The following SLC22A8 variants were observed in gnomAD, a reference collection of about 807,000 sequenced individuals.
The protein encoded by SLC22A8 is solute carrier family 22 member 8.
In SLC22A8, 40 loss-of-function variants were observed where a neutral mutation model predicts 48.4. The observed-to-expected ratio is 0.83, with a 90% CI of 0.64 to 1.08. The LOEUF (loss-of-function observed/expected upper bound fraction) is 1.08, where lower values mean the gene tolerates loss of function less well. Among genes scored for constraint, SLC22A8 ranks in the 50% least tolerant of loss-of-function variants. SLC22A8 has a pLI of 0.00. For missense variants in SLC22A8, 606 were observed against 699.0 expected, an observed-to-expected ratio of 0.87 and a Z score of 1.50; for synonymous variants, 268 against 286.3, an observed-to-expected ratio of 0.94 and a Z score of 0.65.
rs1243705801 is a variant in SLC22A8, at chr11:63,014,728, TACAAAACGGAGGC to T, written c.218_230del (p.Cys73TyrfsTer33). 1 of 1,614,090 alleles carries T rather than the reference TACAAAACGGAGGC, an allele frequency of 6.2e-7. No individual in the cohort carries two copies. The highest frequency in any genetic ancestry group is 1.1e-5 in the South Asian group (1 of 91,060). On this transcript the variant is annotated frameshift_variant, in exon 2 of 11. Transcript: ENST00000336232. LOFTEE classifies it high-confidence loss of function. Reference sequence around the variant, plus strand: ...TGGGCAGGCTGGCATTGGGCGGATGTACAAAACGGAGGCACCTCTCAGGCTTCCCATTTGGGCC... The same window carrying T: ...TGGGCAGGCTGGCATTGGGCGGATGTACCTCTCAGGCTTCCCATTTGGGCC...
intron 2 of SLC22A8, among the ~76,000 whole-genome samples, chr11:63,004,317 C>T (rs770162217): frequency 3.3e-5 from 5 of 152,172 alleles, no homozygotes; most frequent in Admixed American, 6.6e-5. Flanking sequence ...CAATGGCTTA[C>T]GAGGCCCTGG....
chr11:62,994,414 A>G, intron 8 of SLC22A8, 128 bp downstream of exon 8: 1 of 667,996 alleles, frequency 1.5e-6, no homozygotes, highest in Non-Finnish European at 2.6e-6. Flanking sequence ...AGAGACCCTG[A>G]GCCCCAGAGA....
chr11:63,011,372 A>G (rs1356783107), intron 2 of SLC22A8, among the ~76,000 whole-genome samples: 1 of 152,176 alleles, frequency 6.6e-6, no homozygotes, highest in Non-Finnish European at 1.5e-5. Context: ...CATGCAGTAA[A>G]TGTTATTGTG....
intron 2 of SLC22A8, among the ~76,000 whole-genome samples, chr11:63,013,536 C>T (rs906919208): frequency 2.0e-5 from 3 of 152,154 alleles, no homozygotes; most frequent in African/African-American, 7.2e-5. Flanking sequence ...GCTCAGACGC[C>T]ACCTCCTCCA....
Position 62,993,440 on chromosome 11 carries a change from C to A in SLC22A8, c.1513G>T (p.Glu505Ter), listed in dbSNP as rs766067506. The A allele has an allele frequency of 6.2e-7, 1 of 1,614,046 alleles. No homozygotes were observed. Among genetic ancestry groups the A allele is most frequent in the Non-Finnish European group, 8.5e-7 (1 of 1,180,000 alleles). ...TLNQPLPETI[E>*]DLENWSLRAK... ...GTGACTGACCAGTTTTCCAGGTCTTCGATAGTCTCTGGCAAGGGCTGATTC... is the reference window on the plus strand; with the variant it reads ...GTGACTGACCAGTTTTCCAGGTCTTAGATAGTCTCTGGCAAGGGCTGATTC... Residue 505 changes from glutamate to a stop codon, truncating the protein, a stop_gained, in exon 10 of 11, where the codon GAA (glutamate) becomes TAA (stop). Transcript: ENST00000336232. LOFTEE classifies it low-confidence loss of function (END_TRUNC).
chr11:63,010,903 T>C (rs981107428), intron 2 of SLC22A8, among the ~76,000 whole-genome samples: 1 of 152,198 alleles, frequency 6.6e-6, no homozygotes, highest in African/African-American at 2.4e-5. Context: ...AGGAAGCCAC[T>C]TCCCAGCAGT....
intron 7 of SLC22A8, 141 bp from the exon 8 acceptor site, chr11:62,994,897 T>C: frequency 1.5e-6 from 1 of 682,286 alleles, no homozygotes; most frequent in Non-Finnish European, 2.6e-6. Flanking sequence ...TTGAGTGTCC[T>C]TTTGAGGTTT....
At chr11:63,001,103 C>T (rs887900618) in intron 2 of SLC22A8, 2 of 410,450 alleles carry the variant, frequency 4.9e-6, no homozygotes, top group Non-Finnish European at 9.1e-6. Flanking sequence ...ACTGCTTCCT[C>T]CTCTCCAAGT....
intron 2 of SLC22A8, among the ~76,000 whole-genome samples, chr11:63,013,947 T>C (rs1264844775): frequency 6.6e-6 from 1 of 152,092 alleles, no homozygotes; most frequent in Non-Finnish European, 1.5e-5. Flanking sequence ...AGAGAGTCAA[T>C]GAATCAGTGA....
At chr11:62,994,026 G>C (rs2086378231) in intron 8 of SLC22A8, 148 bp from the exon 9 acceptor site, 2 of 630,646 alleles carry the variant, frequency 3.2e-6, no homozygotes, top group African/African-American at 1.8e-5. Context: ...GCATGCCTGT[G>C]TCCTGCTATG....
At position 62,993,617 on chromosome 11, in the gene SLC22A8, T is replaced by C. The variant is rs1361034946; in HGVS notation, c.1336A>G (p.Met446Val). The change falls in exon 10 of 11, where the codon ATG (methionine) becomes GTG (valine). Residue 446 changes from methionine to valine, a missense_variant. Physicochemically the swap from Met to Val is conservative, Grantham distance 21. Transcript: ENST00000336232. ...LYPTVIRQTG[M>V]GVSNLWTRVG... ...CGGGTCCACAGGTTACTTACGCCCA[T>C]ACCTGTTTGCCTGCGAGGGTTCAGA... 1.8e-5 allele frequency: 29 copies of C among 1,607,976 alleles called. No individual in the cohort carries two copies. In the Middle Eastern group the frequency reaches 5.0e-4, roughly 27 times the overall value.
Position 63,014,805 on chromosome 11 carries a change from G to A in SLC22A8, c.154C>T (p.Pro52Ser). The change falls in exon 2 of 11, where the codon CCC (proline) becomes TCC (serine). Residue 52 changes from proline (P) to serine (S), a missense_variant. Pro to Ser is a moderately conservative substitution (Grantham distance 74). Transcript: ENST00000336232. ...AATPVHHCRP[P>S]HNASTGPWVL... The stretch of plus-strand genomic sequence containing the variant: ...CAAGGCCCTGTGGAGGCATTGTGGG[G>A]CGGGCGACAGTGGTGGACAGGGGTG... 1 of 1,613,096 alleles carries A rather than the reference G, an allele frequency of 6.2e-7. No homozygotes were observed. Among genetic ancestry groups the A allele is most frequent in the Non-Finnish European group, 8.5e-7 (1 of 1,179,154 alleles).
At position 62,993,065 on chromosome 11, in the gene SLC22A8, G is replaced by A; in HGVS notation, c.*172C>T. 1.7e-6 allele frequency: 1 copy of A among 601,946 alleles called. No individual in the cohort carries two copies. The highest frequency in any genetic ancestry group is 2.8e-5 in the East Asian group (1 of 36,140). 37.3% of individuals were successfully genotyped at this position (601,946 alleles called of 1,614,324 possible). A position where few individuals can be genotyped will look rare whatever the true frequency, so the allele number is the denominator to read the frequency against. ...CAAGGGCAGGGATGGCTGAACCTTT[G>A]AACTGGCCAGGGCTGGGCAGGAGGC... is the stretch of plus-strand genomic sequence containing the variant. On this transcript the variant is annotated 3_prime_UTR_variant, in exon 11 of 11. Coordinates refer to ENST00000336232, the MANE Select transcript of SLC22A8 (RefSeq NM_004254.4).
At chr11:63,001,698 G>A (rs1439407328) in intron 2 of SLC22A8, among the ~76,000 whole-genome samples, 1 of 152,084 alleles carries the variant, frequency 6.6e-6, no homozygotes, top group Non-Finnish European at 1.5e-5. Flanking sequence ...GATGCCATCT[G>A]TTCCTGCGGC....
At chr11:63,013,435 A>G (rs894376888) in intron 2 of SLC22A8, among the ~76,000 whole-genome samples, 2 of 152,130 alleles carry the variant, frequency 1.3e-5, no homozygotes, top group Non-Finnish European at 2.9e-5. Flanking sequence ...TTTGCAACGA[A>G]CGCATCTCTT....
intron 2 of SLC22A8, among the ~76,000 whole-genome samples, chr11:63,011,456 G>T (rs574243141): frequency 2.6e-4 from 40 of 152,270 alleles, no homozygotes; most frequent in African/African-American, 9.6e-4. Context: ...GACATGGGCG[G>T]TGGGTTTTAC....
At chr11:63,014,232 C>A (rs1300334442) in intron 2 of SLC22A8, among the ~76,000 whole-genome samples, 5 of 152,302 alleles carry the variant, frequency 3.3e-5, no homozygotes, top group Admixed American at 1.3e-4. Context: ...CTCACACCCA[C>A]CCCAGAGGTC....
chr11:63,000,419 G>T (rs2086478518), intron 3 of SLC22A8, among the ~76,000 whole-genome samples: 1 of 151,844 alleles, frequency 6.6e-6, no homozygotes, highest in South Asian at 2.1e-4. Flanking sequence ...GGGAGGTGGA[G>T]GTTGCAGTGA....
intron 2 of SLC22A8, among the ~76,000 whole-genome samples, chr11:63,011,513 C>T (rs374576532): frequency 2.0e-4 from 30 of 152,286 alleles, no homozygotes; most frequent in African/African-American, 7.0e-4. Context: ...GTCACCTGTA[C>T]ATTTGGAAAC....
Sources: gnomAD v4.1 joint callset for allele counts (sites outside exome capture counted in the v4.1 genomes callset) on GRCh38, gnomAD v4.1.1 for gene constraint, MANE v1.5 for transcripts, NCBI Gene and HGNC (gene_info 2026-07-23, HGNC 2026-07-21) for gene names.